Variants in ZNF570 observed in about 807,000 individuals in gnomAD.
The protein encoded by ZNF570 is zinc finger protein 570.
ZNF570 carries 8 observed loss-of-function variants against 14.2 expected under a neutral mutation model. The observed-to-expected ratio is 0.56, with a 90% CI of 0.33 to 1.02. ZNF570 has a LOEUF of 1.02. Ranked by LOEUF, ZNF570 falls within the 50% of genes least tolerant of loss-of-function variation. ZNF570 has a pLI of 0.03. For missense variants in ZNF570, 559 were observed against 624.9 expected, an observed-to-expected ratio of 0.89 and a Z score of 1.12; for synonymous variants, 202 against 207.6, an observed-to-expected ratio of 0.97 and a Z score of 0.23.
intron 2 of ZNF570, among the ~76,000 whole-genome samples, chr19:37,472,153 C>T (rs1047966820): frequency 6.6e-6 from 1 of 152,096 alleles, no homozygotes; most frequent in Admixed American, 6.5e-5. Flanking sequence ...GATCCGCCTG[C>T]CTCGGCCTAC....
Position 37,476,364 on chromosome 19 carries a change from G to C in ZNF570, c.186G>C (p.Val62=). Residue 62 remains valine, a synonymous_variant, in exon 4 of 5, where the codon GTG becomes GTC. Coordinates refer to ENST00000330173, the MANE Select transcript of ZNF570 (RefSeq NM_144694.5). ...GACTTTGCTTTTCCAAACCAAGTGTGATATTATTGTTGGAACAAGGAAAAG... is the reference window on the plus strand; with the variant it reads ...GACTTTGCTTTTCCAAACCAAGTGTCATATTATTGTTGGAACAAGGAAAAG... ...SLGLCFSKPS[V]ILLLEQGKAP... 6.2e-7 allele frequency: 1 copy of C among 1,613,820 alleles called. No homozygotes were observed. The highest frequency in any genetic ancestry group is 8.5e-7 in the Non-Finnish European group (1 of 1,179,952).
intron 2 of ZNF570, among the ~76,000 whole-genome samples, chr19:37,474,627 T>G (rs1243920269): frequency 6.6e-6 from 1 of 151,992 alleles, no homozygotes; most frequent in Non-Finnish European, 1.5e-5. Flanking sequence ...GCCCAGCTAA[T>G]TTTTGTATTT....
rs1341093593 is a variant in ZNF570 at position 37,469,547 on chromosome 19, T to C, written c.-62T>C. 1.3e-6 allele frequency: 2 copies of C among 1,536,180 alleles called. No individual in the cohort carries two copies. The highest frequency in any genetic ancestry group is 2.4e-5 in the East Asian group (1 of 40,914). On this transcript the variant is annotated 5_prime_UTR_variant, in exon 1 of 5. Coordinates refer to ENST00000330173, the MANE Select transcript of ZNF570 (RefSeq NM_144694.5). ...TCGCAGGCCATCTGTGTGACTCCGG[T>C]GCGAGTGGAGGTTGGTACCGTTCAG...
upstream of ZNF570, chr19:37,468,176 T>A (rs1490347536): frequency 5.5e-6 from 3 of 546,942 alleles, no homozygotes; most frequent in African/African-American, 5.8e-5. Flanking sequence ...AGCCTCGAAC[T>A]CCCGGGCTCA....
rs1386212871 is a variant in ZNF570 at position 37,486,965 on chromosome 19, A to T, written c.*1732A>T. On this transcript the variant is annotated 3_prime_UTR_variant, in exon 5 of 5. Transcript: ENST00000330173. ...ATTCCTGTAATCCCAGCACTTTGGG[A>T]GGCCGAGGTGGGTGGATTATGAGGT... 1 of 152,198 alleles carries T rather than the reference A, an allele frequency of 6.6e-6. No homozygotes were observed. Among genetic ancestry groups the T allele is most frequent in the Non-Finnish European group, 1.5e-5 (1 of 68,056 alleles). The allele number at this position is 152,198 out of a possible 1,614,324, so 9.4% of individuals were successfully genotyped here. A position where few individuals can be genotyped will look rare whatever the true frequency, so the allele number is the denominator to read the frequency against.
chr19:37,484,170 T>C lies in ZNF570; in HGVS notation c.548T>C (p.Ile183Thr). ...CCACTGCTTTGTACACAAAAGATAA[T>C]CCCCAAAGAGGAGAAAGTACATAAA... ...QNPLLCTQKI[I>T]PKEEKVHKHD... Residue 183 changes from isoleucine (I) to threonine (T), a missense_variant, in exon 5 of 5, where the codon ATC becomes ACC. Physicochemically the swap from Ile to Thr is moderately conservative, Grantham distance 89. Transcript: ENST00000330173. 1 of 1,613,270 alleles carries C rather than the reference T, an allele frequency of 6.2e-7. No homozygotes were observed. Among genetic ancestry groups the C allele is most frequent in the Non-Finnish European group, 8.5e-7 (1 of 1,179,850 alleles).
chr19:37,471,305 A>G (rs983032505), intron 2 of ZNF570, among the ~76,000 whole-genome samples: 4 of 152,020 alleles, frequency 2.6e-5, no homozygotes, highest in Admixed American at 6.5e-5. Flanking sequence ...GAGCCACCGC[A>G]CCCGGCCACT....
In ZNF570 at chr19:37,487,764, A is replaced by G. The variant is rs1352653346; in HGVS notation, c.*2531A>G. 2 of 152,034 alleles carry G rather than the reference A, an allele frequency of 1.3e-5. No homozygotes were observed. Among genetic ancestry groups the G allele is most frequent in the African/African-American group, 2.4e-5 (1 of 41,386 alleles). 9.4% of individuals were successfully genotyped at this position (152,034 alleles called of 1,614,324 possible). ...GCTTCACAGGTTTGTTCTGAAATTT[A>G]TGAGGTATAAATTCTTAAGAGCAGC... On this transcript the variant is annotated 3_prime_UTR_variant, in exon 5 of 5. Coordinates refer to ENST00000330173, the MANE Select transcript of ZNF570 (RefSeq NM_144694.5).
rs986976601 is a variant in ZNF570 at position 37,484,541 on chromosome 19, T to C, written c.919T>C (p.Cys307Arg). ...TGEKPYECKV[C>R]RKAFSQFAYL... Reference sequence around the variant, plus strand: ...AGAAAAACCTTACGAATGTAAGGTATGTCGAAAAGCCTTCAGCCAGTTTGC... The same window carrying C: ...AGAAAAACCTTACGAATGTAAGGTACGTCGAAAAGCCTTCAGCCAGTTTGC... Residue 307 changes from cysteine (C) to arginine (R), a missense_variant, in exon 5 of 5, where the codon TGT becomes CGT. Cys to Arg is a radical substitution (Grantham distance 180). Transcript: ENST00000330173. The C allele has an allele frequency of 1.7e-5, 28 of 1,614,042 alleles. No homozygotes were observed. Among genetic ancestry groups the C allele is most frequent in the African/African-American group, 2.7e-5 (2 of 74,942 alleles).
chr19:37,482,448 G>T (rs568918933), intron 4 of ZNF570, among the ~76,000 whole-genome samples: 1 of 152,152 alleles, frequency 6.6e-6, no homozygotes, highest in Admixed American at 6.5e-5. Context: ...AGATGGGGGA[G>T]GTGCCACACA....
intron 2 of ZNF570, among the ~76,000 whole-genome samples, chr19:37,474,626 A>T (rs1338591607): frequency 6.6e-6 from 1 of 151,782 alleles, no homozygotes; most frequent in Non-Finnish European, 1.5e-5. Flanking sequence ...TGCCCAGCTA[A>T]TTTTTGTATT....
chr19:37,468,497 T>C (rs963203517), upstream of ZNF570, among the ~76,000 whole-genome samples: 4 of 151,852 alleles, frequency 2.6e-5, no homozygotes, highest in African/African-American at 9.7e-5. Context: ...CACGAGGTTT[T>C]TGTTTGTTTG....
intron 4 of ZNF570, among the ~76,000 whole-genome samples, chr19:37,479,596 GA>G (rs1193451707): frequency 6.6e-6 from 1 of 152,038 alleles, no homozygotes; most frequent in East Asian, 1.9e-4. Flanking sequence ...ACATGTTAAA[GA>G]AACTTCTACT....
upstream of ZNF570, chr19:37,469,341 G>T: frequency 1.4e-6 from 2 of 1,415,926 alleles, no homozygotes; most frequent in Admixed American, 2.9e-5. Flanking sequence ...CTCCGGGGGC[G>T]GAGGCAGCTG....
intron 4 of ZNF570, among the ~76,000 whole-genome samples, chr19:37,482,545 C>T (rs189750813): frequency 1.3e-5 from 2 of 152,290 alleles, no homozygotes; most frequent in African/African-American, 4.8e-5. Flanking sequence ...ACTCCACCCC[C>T]ACGATCCAGT....
rs1315884748 is a variant in ZNF570, at chr19:37,475,971, G to A, written c.124G>A (p.Val42Met). The change falls in exon 3 of 5, where the codon GTG becomes ATG. Residue 42 changes from valine (V) to methionine (M), a missense_variant. Coordinates refer to ENST00000330173, the MANE Select transcript of ZNF570 (RefSeq NM_144694.5). ...DSSQRHLYSN[V>M]MLENYRILVS... ...TTCTCAAAGACATCTGTACAGTAAT[G>A]TGATGCTAGAGAACTACAGGATCTT... 2 of 1,613,482 alleles carry A rather than the reference G, an allele frequency of 1.2e-6. No individual in the cohort carries two copies. The highest frequency in any genetic ancestry group is 1.3e-5 in the African/African-American group (1 of 74,936).
chr19:37,470,275 A>G, intron 1 of ZNF570, 29 bp from the exon 2 acceptor site: 1 of 1,604,414 alleles, frequency 6.2e-7, no homozygotes, highest in Non-Finnish European at 8.5e-7. Context: ...AGAAAAGTCT[A>G]GTTTCTCATG....
intron 4 of ZNF570, among the ~76,000 whole-genome samples, chr19:37,479,174 G>C (rs2042059149): frequency 6.6e-6 from 1 of 151,914 alleles, no homozygotes; most frequent in South Asian, 2.1e-4. Flanking sequence ...ATTTCTCCTA[G>C]AGGCAATTAG....
chr19:37,468,469 G>A (rs533036623), upstream of ZNF570, among the ~76,000 whole-genome samples: 1 of 152,058 alleles, frequency 6.6e-6, no homozygotes, highest in Admixed American at 6.5e-5. Context: ...TGGGCAAAGC[G>A]CACGGATCAT....
Sources: gnomAD v4.1 joint callset for allele counts (sites outside exome capture counted in the v4.1 genomes callset) on GRCh38, gnomAD v4.1.1 for gene constraint, MANE v1.5 for transcripts, NCBI Gene and HGNC (gene_info 2026-07-23, HGNC 2026-07-21) for gene names.